PKIB: variants seen among roughly 807,000 people sequenced by gnomAD.
The protein encoded by PKIB is PKI-beta.
Under a neutral mutation model 4.5 loss-of-function variants are expected in PKIB, and 2 were observed. The observed-to-expected ratio is 0.44, with a 90% CI of 0.18 to 1.39. The LOEUF (loss-of-function observed/expected upper bound fraction) is 1.39. Ranked by LOEUF, PKIB falls within the 40% of genes most tolerant of loss-of-function variation. The probability of loss-of-function intolerance (pLI) is 0.27; values close to 1 mark genes in which losing one functional copy is unlikely to be tolerated. For synonymous variants in PKIB, 38 were observed against 36.0 expected (o/e 1.06, Z -0.20); for missense variants, 94 against 92.6 (o/e 1.02, Z -0.06).
At chr6:122,591,556 A>G (rs1457543741) in intron 3 of PKIB, among the ~76,000 whole-genome samples, 3 of 152,084 alleles carry the variant, frequency 2.0e-5, no homozygotes, top group Non-Finnish European at 4.4e-5. Flanking sequence ...ATTTTTGTAT[A>G]TTAGACTTCA....
chr6:122,599,592 C>T (rs1037518698), intron 3 of PKIB, among the ~76,000 whole-genome samples: 11 of 152,182 alleles, frequency 7.2e-5, no homozygotes, highest in African/African-American at 2.7e-4. Context: ...CTTCATTCAT[C>T]ATTTTCTTTC....
At chr6:122,612,075 T>A (rs560516289) in intron 1 of PKIB, among the ~76,000 whole-genome samples, 18 of 152,332 alleles carry the variant, frequency 1.2e-4, no homozygotes, top group Admixed American at 6.5e-4. Context: ...TATTTTAAAA[T>A]GTGTCAAATT....
In PKIB at chr6:122,725,115, A is replaced by AT. The variant is rs748295642; in HGVS notation, c.170-4dup. ...CAATATATTCCACATATGAATGGAA[A>AT]TTTTTTTTTCAGATGCAAAAGAGAA... On this transcript the variant is annotated splice_polypyrimidine_tract_variant and intron_variant, in intron 4 of 4. Transcript: ENST00000368452. The AT allele has an allele frequency of 2.8e-4, 444 of 1,572,168 alleles. No individual in the cohort carries two copies. Among genetic ancestry groups the AT allele is most frequent in the Admixed American group, 3.3e-4 (19 of 57,152 alleles).
chr6:122,656,108 T>C (rs1043106664), intron 2 of PKIB, among the ~76,000 whole-genome samples: 9 of 152,130 alleles, frequency 5.9e-5, no homozygotes, highest in Non-Finnish European at 1.2e-4. Flanking sequence ...TAGGAAATCT[T>C]CAGGCTTAGC....
At chr6:122,572,626 T>G (rs370214116) in intron 2 of PKIB, among the ~76,000 whole-genome samples, 11 of 129,100 alleles carry the variant, frequency 8.5e-5, no homozygotes, top group African/African-American at 2.9e-4. Context: ...AAAACAAAGA[T>G]CAGAGCAGAA....
chr6:122,477,784 T>G (rs1417245899), intron 1 of PKIB: 1 of 152,252 alleles, frequency 6.6e-6, no homozygotes, highest in Non-Finnish European at 1.5e-5. Context: ...TAAAACACTT[T>G]GGCAAATTCA....
chr6:122,534,675 T>A (rs1777354263), intron 2 of PKIB, among the ~76,000 whole-genome samples: 2 of 152,006 alleles, frequency 1.3e-5, no homozygotes, highest in African/African-American at 4.8e-5. Flanking sequence ...ATATAATATA[T>A]AAAATTATCT....
intron 2 of PKIB, among the ~76,000 whole-genome samples, chr6:122,648,331 T>C (rs1290355392): frequency 6.6e-6 from 1 of 152,224 alleles, no homozygotes; most frequent in Non-Finnish European, 1.5e-5. Flanking sequence ...CCCTTGATTG[T>C]TGGATTCACG....
At chr6:122,696,679 G>A (rs1401900059) in intron 3 of PKIB, among the ~76,000 whole-genome samples, 3 of 152,156 alleles carry the variant, frequency 2.0e-5, no homozygotes, top group Admixed American at 6.5e-5. Flanking sequence ...TAAATAGACC[G>A]TCAACCTTAA....
intron 2 of PKIB, chr6:122,479,030 G>C (rs1203481009): frequency 1.3e-5 from 2 of 152,176 alleles, no homozygotes; most frequent in Non-Finnish European, 2.9e-5. Flanking sequence ...GCACTTCCCG[G>C]GTGAGGTGAT....
chr6:122,538,622 G>A (rs1219541733), intron 2 of PKIB, among the ~76,000 whole-genome samples: 34 of 151,852 alleles, frequency 2.2e-4, no homozygotes, highest in South Asian at 2.1e-3. Flanking sequence ...TGATGCCTCC[G>A]GCTTTGTTCT....
At chr6:122,561,671 G>A (rs6936258) in intron 2 of PKIB, among the ~76,000 whole-genome samples, 7,057 of 151,850 alleles carry the variant, frequency 0.046, 226 homozygotes, top group Non-Finnish European at 0.069. Context: ...TATATTGTCC[G>A]TCTTTGACTC....
chr6:122,712,080 T>C (rs1434138957), intron 3 of PKIB, among the ~76,000 whole-genome samples: 2 of 152,152 alleles, frequency 1.3e-5, no homozygotes, highest in East Asian at 1.9e-4. Context: ...GTAAGTTCTG[T>C]TTAGCTTAAA....
intron 2 of PKIB, among the ~76,000 whole-genome samples, chr6:122,530,746 C>G (rs949917215): frequency 6.6e-6 from 1 of 152,178 alleles, no homozygotes; most frequent in African/African-American, 2.4e-5. Context: ...GATCAGTCCC[C>G]AAGACAGCTC....
intron 2 of PKIB, among the ~76,000 whole-genome samples, chr6:122,554,271 T>C (rs1772773710): frequency 6.6e-6 from 1 of 152,246 alleles, no homozygotes. Context: ...TAATTCCACC[T>C]ATAAAGCAAA....
chr6:122,576,689 A>AAAAAAAATATATATATAT (rs1345822382), intron 2 of PKIB, among the ~76,000 whole-genome samples: 6 of 34,314 alleles, frequency 1.7e-4, no homozygotes, highest in Non-Finnish European at 2.3e-4. Context: ...AAAAAAAAAA[A>AAAAAAAATATATATATAT]ATATATATAT....
At chr6:122,484,208 A>C (rs1364605399) in intron 2 of PKIB, 1 of 152,194 alleles carries the variant, frequency 6.6e-6, no homozygotes, top group Non-Finnish European at 1.5e-5. Context: ...CCACTCTTGC[A>C]GTAAATATAT....
In PKIB at chr6:122,717,712, A is replaced by G. The variant is rs561978414; in HGVS notation, c.-8-75A>G. On this transcript the variant is annotated intron_variant, in intron 3 of 4. Coordinates refer to ENST00000368452, the MANE Select transcript of PKIB (RefSeq NM_181795.3). ...AGCCTGTTGTGTTTTTGATCTAGCC[A>G]TGCCTTTCAACCACTGTGGTGAACA... The G allele has an allele frequency of 1.4e-4, 198 of 1,441,716 alleles. 1 individual carries two copies. In the South Asian group the frequency reaches 2.3e-3, roughly 17 times the overall value. 89.3% of individuals were successfully genotyped at this position (1,441,716 alleles called of 1,614,324 possible). A position where few individuals can be genotyped will look rare whatever the true frequency, so the allele number is the denominator to read the frequency against.
intron 1 of PKIB, among the ~76,000 whole-genome samples, chr6:122,615,127 T>G (rs1774929260): frequency 6.6e-6 from 1 of 152,132 alleles, no homozygotes; most frequent in African/African-American, 2.4e-5. Flanking sequence ...CCATCATCCT[T>G]GAAGAAGGGT....
Sources: gnomAD v4.1 joint callset for allele counts (sites outside exome capture counted in the v4.1 genomes callset) on GRCh38, gnomAD v4.1.1 for gene constraint, MANE v1.5 for transcripts, NCBI Gene and HGNC (gene_info 2026-07-23, HGNC 2026-07-21) for gene names.